The following DSCAM variants were observed in gnomAD, a reference collection of about 807,000 sequenced individuals.
DSCAM encodes DS cell adhesion molecule, also known as cell adhesion molecule DSCAM.
Under a neutral mutation model 217.7 loss-of-function variants are expected in DSCAM, and 47 were observed. That is an observed-to-expected ratio of 0.22 (90% CI 0.17 to 0.28). The LOEUF is 0.28. Ranked by LOEUF, DSCAM falls within the 10% of genes least tolerant of loss-of-function variation. The probability of loss-of-function intolerance (pLI) is 1.00; values close to 1 mark genes in which losing one functional copy is unlikely to be tolerated. For synonymous variants in DSCAM, 1,056 were observed against 1,015.3 expected (o/e 1.04, Z -0.76); for missense variants, 2,080 against 2,618.3 (o/e 0.79, Z 4.49).
chr21:40,637,653 A>ATATATAAATATATATC (rs2089822247), intron 3 of DSCAM, among the ~76,000 whole-genome samples: 2 of 12,404 alleles, frequency 1.6e-4, no homozygotes, highest in African/African-American at 8.1e-4. Context: ...ATATATATCT[A>ATATATAAATATATATC]TATATATATA....
At chr21:40,346,437 T>C (rs1465889801) in intron 6 of DSCAM, among the ~76,000 whole-genome samples, 1 of 152,246 alleles carries the variant, frequency 6.6e-6, no homozygotes, top group African/African-American at 2.4e-5. Flanking sequence ...AAACTTACTT[T>C]CACATATTAG....
Position 40,637,158 on chromosome 21 carries a change from T to A in DSCAM, c.508+55652A>T, listed in dbSNP as rs1228235694. Reference sequence around the variant, plus strand: ...ATATAAATATATATATAAATATATATAAATATAAATATATATATAAATATA... The same window carrying A: ...ATATAAATATATATATAAATATATAAAAATATAAATATATATATAAATATA... On this transcript the variant is annotated intron_variant, in intron 3 of 32. Transcript: ENST00000400454. Among the ~76,000 whole-genome samples the A allele has an allele frequency of 1.6e-4, 9 of 55,488 alleles. 1 individual carries two copies. Among genetic ancestry groups the A allele is most frequent in the South Asian group, 6.4e-4 (1 of 1,572 alleles). 36.4% of individuals were successfully genotyped at this position (55,488 alleles called of 152,430 possible).
At chr21:40,457,085 A>G (rs533277655) in intron 3 of DSCAM, among the ~76,000 whole-genome samples, 28 of 152,184 alleles carry the variant, frequency 1.8e-4, no homozygotes, top group Non-Finnish European at 3.7e-4. Context: ...ATGGTGATAA[A>G]TCAATTAATC....
intron 8 of DSCAM, among the ~76,000 whole-genome samples, chr21:40,321,586 A>G (rs1353565476): frequency 7.2e-6 from 1 of 137,954 alleles, no homozygotes; most frequent in Non-Finnish European, 1.6e-5. Context: ...TTTAATTACA[A>G]CTCTTTCAAT....
chr21:40,461,895 C>A (rs910165233), intron 3 of DSCAM, among the ~76,000 whole-genome samples: 1 of 152,114 alleles, frequency 6.6e-6, no homozygotes, highest in African/African-American at 2.4e-5. Context: ...GCTCTAGAGC[C>A]CCCAGAAAGG....
chr21:40,264,584 ACCCAGAGC>A (rs1466372970), intron 11 of DSCAM, among the ~76,000 whole-genome samples: 1 of 152,144 alleles, frequency 6.6e-6, no homozygotes, highest in Non-Finnish European at 1.5e-5. Context: ...TATATAACAA[ACCCAGAGC>A]CCACATCATA....
Position 40,569,417 on chromosome 21 carries a change from G to A in DSCAM, c.508+123393C>T, listed in dbSNP as rs1051140818. Among the ~76,000 whole-genome samples the A allele has an allele frequency of 3.9e-5, 6 of 152,208 alleles. No homozygotes were observed. In the East Asian group the frequency reaches 9.6e-4, roughly 24 times the overall value. On this transcript the variant is annotated intron_variant, in intron 3 of 32. Transcript: ENST00000400454. ...AAGGAGATTGTCTTTGATCGTTTAC[G>A]TGGCCCTCATTCAATCAGTCGAAAA...
intron 3 of DSCAM, among the ~76,000 whole-genome samples, chr21:40,561,389 C>T (rs541960694): frequency 6.6e-6 from 1 of 152,318 alleles, no homozygotes; most frequent in Admixed American, 6.5e-5. Flanking sequence ...GCTGACTACA[C>T]GTCGTTCCAT....
intron 3 of DSCAM, among the ~76,000 whole-genome samples, chr21:40,381,062 C>CAAAAAAAAAAAAAAAAAAAAA (rs71186932): frequency 1.7e-4 from 11 of 66,212 alleles, no homozygotes; most frequent in Admixed American, 1.0e-3. Flanking sequence ...GACTCCGTCT[C>CAAAAAAAAAAAAAAAAAAAAA]AAAAAAAAAA....
At chr21:40,657,093 G>A (rs1266255207) in intron 3 of DSCAM, among the ~76,000 whole-genome samples, 1 of 152,188 alleles carries the variant, frequency 6.6e-6, no homozygotes, top group East Asian at 1.9e-4. Flanking sequence ...AGAAAGTTTT[G>A]CATGTTTGAA....
At chr21:40,548,115 C>T (rs530233262) in intron 3 of DSCAM, among the ~76,000 whole-genome samples, 1 of 152,298 alleles carries the variant, frequency 6.6e-6, no homozygotes, top group Admixed American at 6.5e-5. Flanking sequence ...AATCATATTG[C>T]TTTATGCAGA....
intron 3 of DSCAM, among the ~76,000 whole-genome samples, chr21:40,687,164 C>T (rs2837783): frequency 0.31 from 46,501 of 152,038 alleles, 10,350 homozygotes; most frequent in African/African-American, 0.63. Context: ...TGATAACAGA[C>T]AGAAAAATGT....
At chr21:40,266,386 T>A (rs2073527615) in intron 11 of DSCAM, among the ~76,000 whole-genome samples, 1 of 151,954 alleles carries the variant, frequency 6.6e-6, no homozygotes, top group Non-Finnish European at 1.5e-5. Context: ...AAAGGAACAC[T>A]TACACACTGC....
intron 3 of DSCAM, among the ~76,000 whole-genome samples, chr21:40,594,940 A>G (rs1005751876): frequency 5.9e-5 from 9 of 152,200 alleles, no homozygotes; most frequent in Non-Finnish European, 8.8e-5. Context: ...ATGGAAGGAC[A>G]GGTAGGTATT....
intron 1 of DSCAM, among the ~76,000 whole-genome samples, chr21:40,805,419 G>A (rs1237063100): frequency 6.6e-6 from 1 of 152,130 alleles, no homozygotes; most frequent in Non-Finnish European, 1.5e-5. Flanking sequence ...GGTGTGTTCA[G>A]GGCCACAGGA....
chr21:40,686,228 CAGAG>C (rs2090474886), intron 3 of DSCAM, among the ~76,000 whole-genome samples: 4 of 149,194 alleles, frequency 2.7e-5, no homozygotes, highest in South Asian at 2.1e-4. Flanking sequence ...CACACACACA[CAGAG>C]CTCACACACC....
intron 3 of DSCAM, among the ~76,000 whole-genome samples, chr21:40,523,905 T>C (rs1271731780): frequency 6.6e-6 from 1 of 152,006 alleles, no homozygotes; most frequent in Non-Finnish European, 1.5e-5. Flanking sequence ...GTATGCCCTC[T>C]CCTGAAAGTT....
intron 3 of DSCAM, among the ~76,000 whole-genome samples, chr21:40,398,210 T>A (rs906108277): frequency 2.0e-4 from 30 of 152,176 alleles, no homozygotes; most frequent in Admixed American, 2.0e-3. Context: ...TCACTTTGAT[T>A]CAGACATTTT....
At chr21:40,543,990 G>A (rs1364015051) in intron 3 of DSCAM, among the ~76,000 whole-genome samples, 1 of 152,112 alleles carries the variant, frequency 6.6e-6, no homozygotes, top group Non-Finnish European at 1.5e-5. Context: ...CTTTGAAAAT[G>A]CCTGTTCCAT....
Sources: gnomAD v4.1 joint callset for allele counts (sites outside exome capture counted in the v4.1 genomes callset) on GRCh38, gnomAD v4.1.1 for gene constraint, MANE v1.5 for transcripts, NCBI Gene and HGNC (gene_info 2026-07-23, HGNC 2026-07-21) for gene names.